The following EFCAB6 variants were observed in gnomAD, a reference collection of about 807,000 sequenced individuals.
The protein encoded by EFCAB6 is EF-hand calcium binding domain 6.
EFCAB6 carries 156 observed loss-of-function variants against 169.8 expected under a neutral mutation model. That is an observed-to-expected ratio of 0.92 (90% CI 0.81 to 1.05). The LOEUF is 1.05. EFCAB6 is among the 50% of genes least tolerant of loss of function. The pLI is 0.00. For synonymous variants in EFCAB6, 698 were observed against 676.4 expected (o/e 1.03, Z -0.50); for missense variants, 1,800 against 1,829.1 (o/e 0.98, Z 0.29).
intron 23 of EFCAB6, among the ~76,000 whole-genome samples, chr22:43,596,695 A>G (rs1245481179): frequency 6.6e-6 from 1 of 152,194 alleles, no homozygotes; most frequent in Non-Finnish European, 1.5e-5. Context: ...CTACTAATTC[A>G]AGCAATCCCT....
chr22:43,784,660 TATAC>T (rs1264767538), intron 2 of EFCAB6, among the ~76,000 whole-genome samples: 1 of 86,698 alleles, frequency 1.2e-5, no homozygotes, highest in African/African-American at 4.4e-5. Flanking sequence ...TATGTGTATA[TATAC>T]ATATACATAT....
intron 18 of EFCAB6, among the ~76,000 whole-genome samples, chr22:43,634,728 T>C (rs767679718): frequency 3.3e-5 from 5 of 152,108 alleles, no homozygotes; most frequent in South Asian, 4.2e-4. Context: ...ACCTTCTCTG[T>C]CCACAGGGAG....
chr22:43,626,018 T>A (rs1299601891), intron 20 of EFCAB6, among the ~76,000 whole-genome samples: 1 of 152,228 alleles, frequency 6.6e-6, no homozygotes, highest in East Asian at 1.9e-4. Flanking sequence ...TGAACCCAGA[T>A]TAATACATAG....
chr22:43,586,622 C>G (rs1296564584), intron 24 of EFCAB6, among the ~76,000 whole-genome samples: 1 of 152,020 alleles, frequency 6.6e-6, no homozygotes, highest in Non-Finnish European at 1.5e-5. Flanking sequence ...GAGAATAAGA[C>G]TTCCAGTTAA....
intron 6 of EFCAB6, among the ~76,000 whole-genome samples, chr22:43,737,516 C>A (rs1980238163): frequency 6.7e-6 from 1 of 149,684 alleles, no homozygotes; most frequent in Admixed American, 6.7e-5. Context: ...TTCACAGATA[C>A]ATGCACACAC....
chr22:43,539,553 T>C (rs968054986), intron 28 of EFCAB6, among the ~76,000 whole-genome samples: 3 of 152,156 alleles, frequency 2.0e-5, no homozygotes, highest in Non-Finnish European at 4.4e-5. Context: ...GACATTGCCA[T>C]CCCTTTCTGC....
chr22:43,787,352 G>GCACACA (rs61585162), intron 2 of EFCAB6, among the ~76,000 whole-genome samples: 16 of 146,878 alleles, frequency 1.1e-4, no homozygotes, highest in African/African-American at 3.5e-4. Flanking sequence ...ACACACATAT[G>GCACACA]CACACACACA....
At chr22:43,678,492 G>T (rs1026104082) in intron 12 of EFCAB6, among the ~76,000 whole-genome samples, 2 of 152,058 alleles carry the variant, frequency 1.3e-5, no homozygotes, top group African/African-American at 4.8e-5. Context: ...GGCTTGAATG[G>T]CTTGAACAGC....
At chr22:43,710,726 T>C (rs746800804) in intron 10 of EFCAB6, among the ~76,000 whole-genome samples, 1 of 152,166 alleles carries the variant, frequency 6.6e-6, no homozygotes, top group African/African-American at 2.4e-5. Flanking sequence ...GTTGATAAGA[T>C]CACGAAAAGA....
At chr22:43,602,822 C>A (rs1241311163) in intron 22 of EFCAB6, among the ~76,000 whole-genome samples, 5 of 151,942 alleles carry the variant, frequency 3.3e-5, no homozygotes, top group African/African-American at 9.7e-5. Flanking sequence ...GGTGAGGACC[C>A]GACGGGTTAG....
At chr22:43,671,856 G>T in intron 15 of EFCAB6, 117 bp downstream of exon 15, 1 of 1,197,740 alleles carries the variant, frequency 8.3e-7, no homozygotes, top group Non-Finnish European at 1.2e-6. Flanking sequence ...TCAGCAAATA[G>T]CAGTTATTAT....
intron 2 of EFCAB6, among the ~76,000 whole-genome samples, chr22:43,796,303 T>C (rs1442013301): frequency 6.6e-6 from 1 of 151,970 alleles, no homozygotes. Flanking sequence ...GGTTTGATCA[T>C]GTGCTCAGCA....
chr22:43,691,212 TTC>T (rs1175416948), intron 10 of EFCAB6, among the ~76,000 whole-genome samples: 1 of 152,184 alleles, frequency 6.6e-6, no homozygotes, highest in African/African-American at 2.4e-5. Flanking sequence ...CTTTTCATTT[TTC>T]TGACTCAAAT....
chr22:43,796,999 T>C (rs1195194811), intron 2 of EFCAB6, among the ~76,000 whole-genome samples: 1 of 152,212 alleles, frequency 6.6e-6, no homozygotes, highest in Non-Finnish European at 1.5e-5. Context: ...TTAAAATGTA[T>C]AAGCCAATGC....
chr22:43,690,494 C>A (rs549088248), intron 10 of EFCAB6, among the ~76,000 whole-genome samples: 2 of 148,910 alleles, frequency 1.3e-5, no homozygotes, highest in African/African-American at 2.5e-5. Flanking sequence ...CCAGCCTGGG[C>A]GACAGAGCAA....
intron 20 of EFCAB6, among the ~76,000 whole-genome samples, chr22:43,622,303 G>A (rs2054163827): frequency 2.0e-5 from 3 of 152,178 alleles, no homozygotes; most frequent in Non-Finnish European, 2.9e-5. Flanking sequence ...AGTGGCTCAC[G>A]TCTGTAATCC....
intron 3 of EFCAB6, 70 bp downstream of exon 3, chr22:43,782,110 G>A (rs2061840352): frequency 1.4e-6 from 2 of 1,479,064 alleles, no homozygotes; most frequent in Middle Eastern, 1.8e-4. Context: ...TTTGAACTAA[G>A]CTTGGTACAT....
intron 2 of EFCAB6, among the ~76,000 whole-genome samples, chr22:43,789,010 T>G (rs574183740): frequency 6.6e-6 from 1 of 152,192 alleles, no homozygotes; most frequent in Non-Finnish European, 1.5e-5. Context: ...TTATATAAAA[T>G]GTCCATAACA....
rs373505980 is a variant in EFCAB6, at chr22:43,798,424, C to G, written c.-8+10571G>C. Among the ~76,000 whole-genome samples the G allele has an allele frequency of 1.2e-4, 18 of 152,248 alleles. 1 individual carries two copies. Among genetic ancestry groups the G allele is most frequent in the East Asian group, 7.7e-4 (4 of 5,176 alleles). On this transcript the variant is annotated intron_variant, in intron 2 of 31. Coordinates refer to ENST00000262726, the MANE Select transcript of EFCAB6 (RefSeq NM_022785.4). ...TGGTGCTGCTGGGCAGGACATCACTCTGAGAACTGAGGCCCTAAATTTCAG... is the reference window on the plus strand; with the variant it reads ...TGGTGCTGCTGGGCAGGACATCACTGTGAGAACTGAGGCCCTAAATTTCAG...
Sources: gnomAD v4.1 joint callset for allele counts (sites outside exome capture counted in the v4.1 genomes callset) on GRCh38, gnomAD v4.1.1 for gene constraint, MANE v1.5 for transcripts, NCBI Gene and HGNC (gene_info 2026-07-23, HGNC 2026-07-21) for gene names.